The following NRXN3 variants were observed in gnomAD, a reference collection of about 807,000 sequenced individuals.
NRXN3 encodes neurexin 3.
A neutral mutation model predicts 137.6 loss-of-function variants in NRXN3; 32 were observed. That is an observed-to-expected ratio of 0.23 (90% CI 0.18 to 0.31). The LOEUF (loss-of-function observed/expected upper bound fraction) is 0.31. Ranked by LOEUF, NRXN3 falls within the 10% of genes least tolerant of loss-of-function variation. NRXN3 has a pLI of 1.00. For missense variants in NRXN3, 1,574 were observed against 2,062.5 expected (o/e 0.76, Z 4.59); for synonymous variants, 798 against 784.5 (o/e 1.02, Z -0.29).
chr14:79,341,240 C>T (rs976683043), intron 15 of NRXN3, among the ~76,000 whole-genome samples: 1 of 152,188 alleles, frequency 6.6e-6, no homozygotes, highest in Non-Finnish European at 1.5e-5. Flanking sequence ...TGGAGCTCTT[C>T]ACTGCTTAGT....
chr14:78,355,031 C>A (rs8020190), intron 4 of NRXN3, among the ~76,000 whole-genome samples: 150,415 of 152,332 alleles, frequency 0.99, 74,286 homozygotes, highest in East Asian at 1. Flanking sequence ...GGCTGCAGCC[C>A]CTACGTATGT....
intron 10 of NRXN3, among the ~76,000 whole-genome samples, chr14:78,878,241 C>T (rs2099118535): frequency 6.6e-6 from 1 of 152,130 alleles, no homozygotes; most frequent in Admixed American, 6.5e-5. Context: ...ATCTACTTTC[C>T]TTAATAATGA....
At chr14:79,794,180 T>C (rs945438083) in intron 19 of NRXN3, among the ~76,000 whole-genome samples, 2 of 152,034 alleles carry the variant, frequency 1.3e-5, no homozygotes, top group African/African-American at 4.8e-5. Flanking sequence ...CTAGCCAACA[T>C]GGTGAAACCC....
At chr14:79,517,567 G>T (rs1245281060) in intron 16 of NRXN3, among the ~76,000 whole-genome samples, 4 of 151,868 alleles carry the variant, frequency 2.6e-5, no homozygotes, top group African/African-American at 9.7e-5. Flanking sequence ...ATTCTTCATG[G>T]TTTTCTCTTA....
At chr14:79,127,285 C>T (rs1397171791) in intron 15 of NRXN3, among the ~76,000 whole-genome samples, 2 of 152,086 alleles carry the variant, frequency 1.3e-5, no homozygotes, top group South Asian at 2.1e-4. Flanking sequence ...CCTAGGTTTT[C>T]TTCTAGGGTT....
intron 15 of NRXN3, among the ~76,000 whole-genome samples, chr14:79,245,044 C>T (rs768912578): frequency 3.9e-5 from 6 of 152,088 alleles, no homozygotes; most frequent in East Asian, 3.9e-4. Context: ...CTCCAGCCTG[C>T]GAGTTCTTTG....
intron 8 of NRXN3, among the ~76,000 whole-genome samples, chr14:78,797,754 A>G (rs1401183880): frequency 6.6e-6 from 1 of 152,176 alleles, no homozygotes; most frequent in Non-Finnish European, 1.5e-5. Flanking sequence ...TAATGGACTC[A>G]CAATTCCATG....
At chr14:78,239,734 G>A (rs758564124) in intron 1 of NRXN3, among the ~76,000 whole-genome samples, 1 of 151,618 alleles carries the variant, frequency 6.6e-6, no homozygotes, top group Non-Finnish European at 1.5e-5. Flanking sequence ...ACAGAGTCTT[G>A]TTCTGTTGGA....
intron 19 of NRXN3, among the ~76,000 whole-genome samples, chr14:79,749,440 T>G (rs890167255): frequency 1.3e-5 from 2 of 151,716 alleles, no homozygotes; most frequent in Admixed American, 1.3e-4. Context: ...AGTGTTGTTT[T>G]TTTTTTTGTA....
chr14:79,435,791 C>T (rs1026011332), intron 15 of NRXN3, among the ~76,000 whole-genome samples: 1 of 152,082 alleles, frequency 6.6e-6, no homozygotes, highest in East Asian at 1.9e-4. Flanking sequence ...TGGACCATCA[C>T]ACTTGGCTGA....
At chr14:78,205,543 C>T (rs1009084960) in intron 1 of NRXN3, among the ~76,000 whole-genome samples, 1 of 152,160 alleles carries the variant, frequency 6.6e-6, no homozygotes, top group Non-Finnish European at 1.5e-5. Flanking sequence ...GGTGAAAGAT[C>T]AAAAAGTTGA....
intron 10 of NRXN3, among the ~76,000 whole-genome samples, chr14:78,913,698 C>T (rs2099247323): frequency 6.6e-6 from 1 of 152,004 alleles, no homozygotes; most frequent in South Asian, 2.1e-4. Context: ...CTGCTTGTGC[C>T]TTTGTTTGTA....
At chr14:79,528,839 AGT>A (rs1332772223) in intron 16 of NRXN3, among the ~76,000 whole-genome samples, 2 of 152,168 alleles carry the variant, frequency 1.3e-5, no homozygotes, top group African/African-American at 4.8e-5. Flanking sequence ...GTCATCGAAG[AGT>A]GAAGTGCAGC....
chr14:78,588,658 C>T (rs1335886614), intron 4 of NRXN3, among the ~76,000 whole-genome samples: 1 of 152,210 alleles, frequency 6.6e-6, no homozygotes, highest in Non-Finnish European at 1.5e-5. Flanking sequence ...AGCAGTAGAG[C>T]AAGAATCCAA....
At chr14:79,480,745 C>G (rs759259418) in intron 16 of NRXN3, among the ~76,000 whole-genome samples, 6 of 151,928 alleles carry the variant, frequency 3.9e-5, no homozygotes, top group Non-Finnish European at 7.4e-5. Context: ...TAGCACCGTC[C>G]CCCTAGTGCT....
chr14:79,279,247 G>C (rs2080839746), intron 15 of NRXN3: 1 of 624,584 alleles, frequency 1.6e-6, no homozygotes, highest in Non-Finnish European at 2.0e-6. Context: ...GGGATTCCGG[G>C]TCGCTCTGGC....
At chr14:78,175,384 A>G (rs2059160190) in intron 1 of NRXN3, among the ~76,000 whole-genome samples, 1 of 152,090 alleles carries the variant, frequency 6.6e-6, no homozygotes, top group African/African-American at 2.4e-5. Context: ...TGTTCTTGGT[A>G]TCCCCCGGCC....
At chr14:78,727,317 G>A (rs960651079) in intron 8 of NRXN3, among the ~76,000 whole-genome samples, 1 of 152,192 alleles carries the variant, frequency 6.6e-6, no homozygotes, top group African/African-American at 2.4e-5. Context: ...AGCATGTATT[G>A]TTAATGCAGT....
chr14:79,858,712 G>A (rs566726860), intron 20 of NRXN3, among the ~76,000 whole-genome samples: 100 of 152,122 alleles, frequency 6.6e-4, no homozygotes, highest in Non-Finnish European at 1.3e-3. Flanking sequence ...GGAAGCTTTA[G>A]ACAGAGTCCA....
Sources: allele counts gnomAD v4.1 joint callset (sites outside exome capture counted in the v4.1 genomes callset), GRCh38; gene constraint gnomAD v4.1.1; transcripts MANE v1.5; gene names NCBI Gene and HGNC (gene_info 2026-07-23, HGNC 2026-07-21).